The following PICALM variants were observed in gnomAD, a reference collection of about 807,000 sequenced individuals.
The protein encoded by PICALM is phosphatidylinositol-binding clathrin assembly protein.
A neutral mutation model predicts 80.5 loss-of-function variants in PICALM; 40 were observed. The observed-to-expected ratio is 0.50, with a 90% CI of 0.39 to 0.65. The LOEUF is 0.65. Ranked by LOEUF, PICALM falls within the 30% of genes least tolerant of loss-of-function variation. The pLI is 0.00. For synonymous variants in PICALM, 288 were observed against 260.3 expected (o/e 1.11, Z -1.02); for missense variants, 676 against 778.9 (o/e 0.87, Z 1.57).
chr11:86,008,950 GCCAAAAAA>G (rs1453977592), intron 7 of PICALM, among the ~76,000 whole-genome samples: 2 of 34,382 alleles, frequency 5.8e-5, no homozygotes, highest in Non-Finnish European at 7.6e-5. Flanking sequence ...AAAAAAAAAA[GCCAAAAAA>G]AAAAAAAAAG....
chr11:85,981,691 G>A (rs1385550141), intron 16 of PICALM, 54 bp downstream of exon 16: 5 of 1,355,962 alleles, frequency 3.7e-6, no homozygotes, highest in African/African-American at 1.4e-5. Context: ...AATAACACAT[G>A]GAGAAAACAC....
intron 7 of PICALM, among the ~76,000 whole-genome samples, chr11:86,010,317 G>T (rs1462295065): frequency 6.6e-6 from 1 of 150,436 alleles, no homozygotes; most frequent in Non-Finnish European, 1.5e-5. Context: ...CATTTCTGTC[G>T]GGGAACAAAA....
At chr11:85,965,282 C>T (rs2093838227) in intron 19 of PICALM, among the ~76,000 whole-genome samples, 1 of 152,214 alleles carries the variant, frequency 6.6e-6, no homozygotes, top group African/African-American at 2.4e-5. Context: ...ACTTTCCAGC[C>T]TCCACAACTG....
chr11:85,982,963 C>T (rs2094486588), intron 14 of PICALM, among the ~76,000 whole-genome samples: 1 of 151,994 alleles, frequency 6.6e-6, no homozygotes, highest in Non-Finnish European at 1.5e-5. Flanking sequence ...AGAAAGTCAC[C>T]AAAGATGATA....
At chr11:86,022,166 A>G (rs1248104599) in intron 4 of PICALM, among the ~76,000 whole-genome samples, 1 of 152,198 alleles carries the variant, frequency 6.6e-6, no homozygotes, top group Non-Finnish European at 1.5e-5. Context: ...TTGTTATGTG[A>G]ATGATATCTC....
chr11:85,966,216 C>T (rs1028931971), intron 19 of PICALM, among the ~76,000 whole-genome samples: 2 of 145,916 alleles, frequency 1.4e-5, no homozygotes, highest in East Asian at 2.0e-4. Context: ...AACTGTTTTT[C>T]CCCCCCCAAA....
At chr11:86,031,197 G>A (rs906925864) in intron 2 of PICALM, among the ~76,000 whole-genome samples, 1 of 152,142 alleles carries the variant, frequency 6.6e-6, no homozygotes, top group African/African-American at 2.4e-5. Context: ...TCTATAAACA[G>A]GACCAGCAAA....
Position 85,974,746 on chromosome 11 carries a change from T to C in PICALM, c.1906A>G (p.Arg636Gly), listed in dbSNP as rs1254008731. ...PTLIYSQPVMRPPNPFGPVSG... is the reference protein window; with the variant it reads ...PTLIYSQPVMGPPNPFGPVSG... ...ACAGGGCCAAAGGGGTTTGGAGGTC[T>C]CATGACAGGCTGGCTGTATATTAAG... Residue 636 changes from arginine (R) to glycine (G), a missense_variant, in exon 19 of 20, where the codon AGA (arginine) becomes GGA (glycine). By Grantham distance (125) the Arg-to-Gly change is moderately radical (BLOSUM62 -2). Coordinates refer to ENST00000393346, the MANE Select transcript of PICALM (RefSeq NM_007166.4). 2 of 1,613,838 alleles carry C rather than the reference T, an allele frequency of 1.2e-6. No individual in the cohort carries two copies. The highest frequency in any genetic ancestry group is 4.5e-5 in the East Asian group (2 of 44,870).
chr11:85,962,185 C>T (rs114829478), intron 19 of PICALM, among the ~76,000 whole-genome samples: 1,885 of 152,194 alleles, frequency 0.012, 44 homozygotes, highest in African/African-American at 0.043. Context: ...GGTATAACTA[C>T]TGGAAAGACT....
At chr11:85,988,935 T>C (rs1293993995) in intron 13 of PICALM, among the ~76,000 whole-genome samples, 3 of 152,332 alleles carry the variant, frequency 2.0e-5, no homozygotes. Flanking sequence ...TCCTCTAATG[T>C]GTGGTTTTAC....
chr11:85,980,697 C>T (rs987890360), intron 17 of PICALM, among the ~76,000 whole-genome samples: 4 of 151,972 alleles, frequency 2.6e-5, no homozygotes, highest in Non-Finnish European at 5.9e-5. Context: ...AATTTGAGGT[C>T]AGTAATATAG....
At chr11:85,960,013 T>C (rs2093635131) in intron 19 of PICALM, among the ~76,000 whole-genome samples, 1 of 152,192 alleles carries the variant, frequency 6.6e-6, no homozygotes, top group African/African-American at 2.4e-5. Flanking sequence ...AAATCTCATT[T>C]GGGAAGCAAA....
In PICALM at chr11:86,044,566, A is replaced by C. The variant is rs2096034947; in HGVS notation, c.131-12955T>G. 3.7e-5 allele frequency among the ~76,000 whole-genome samples: 3 copies of C among 80,704 alleles called. No homozygotes were observed. In the South Asian group the frequency reaches 1.1e-3, roughly 30 times the overall value. 52.9% of individuals were successfully genotyped at this position (80,704 alleles called of 152,430 possible). A position where few individuals can be genotyped will look rare whatever the true frequency, so the allele number is the denominator to read the frequency against. ...ATCACTTTAAGTGACTCAAAATTAC[A>C]CGAGCCATTTATTACACGATTAAGT... On this transcript the variant is annotated intron_variant, in intron 1 of 19. Transcript: ENST00000393346.
At chr11:86,017,531 T>C (rs959661721) in intron 4 of PICALM, among the ~76,000 whole-genome samples, 2 of 152,242 alleles carry the variant, frequency 1.3e-5, no homozygotes, top group Non-Finnish European at 2.9e-5. Context: ...TGTTAAGCAC[T>C]ACATACAATA....
chr11:86,017,218 G>A (rs1162158163), intron 4 of PICALM, among the ~76,000 whole-genome samples: 3 of 61,248 alleles, frequency 4.9e-5, no homozygotes, highest in Admixed American at 1.6e-4. Flanking sequence ...GTGAGACTCT[G>A]TCTCAAAAAA....
chr11:85,986,727 A>G (rs2094584690), intron 13 of PICALM, among the ~76,000 whole-genome samples: 1 of 152,228 alleles, frequency 6.6e-6, no homozygotes, highest in Non-Finnish European at 1.5e-5. Flanking sequence ...ATTTAAAACA[A>G]AAAGACCCAG....
rs546162377 is a variant in PICALM at position 86,061,459 on chromosome 11, G to A, written c.130+7192C>T. Among the ~76,000 whole-genome samples the A allele has an allele frequency of 2.2e-4, 33 of 151,502 alleles. 1 individual carries two copies. The South Asian group carries it at 6.7e-3, about 31-fold the overall frequency. ...AACCTGACTTTAAGAACAGGACAAT[G>A]ACCTTAACGGACACCTCACTAAAGA... is the stretch of plus-strand genomic sequence containing the variant. On this transcript the variant is annotated intron_variant, in intron 1 of 19. Transcript: ENST00000393346.
chr11:86,022,110 A>G (rs2095574649), intron 4 of PICALM, among the ~76,000 whole-genome samples: 1 of 152,200 alleles, frequency 6.6e-6, no homozygotes, highest in Admixed American at 6.5e-5. Context: ...ACAACTTTGT[A>G]AATACACTAA....
intron 1 of PICALM, among the ~76,000 whole-genome samples, chr11:86,044,842 C>A (rs1381509622): frequency 6.6e-6 from 1 of 152,174 alleles, no homozygotes; most frequent in African/African-American, 2.4e-5. Flanking sequence ...TTATGAGAAT[C>A]TAATGCCTAT....
Sources: allele counts gnomAD v4.1 joint callset (sites outside exome capture counted in the v4.1 genomes callset), GRCh38; gene constraint gnomAD v4.1.1; transcripts MANE v1.5; gene names NCBI Gene and HGNC (gene_info 2026-07-23, HGNC 2026-07-21).